The following EIF4E2 variants were observed in gnomAD, a reference collection of about 807,000 sequenced individuals.
EIF4E2 encodes eukaryotic translation initiation factor 4E family member 2, also known as eukaryotic translation initiation factor 4E type 2.
EIF4E2 carries 13 observed loss-of-function variants against 34.2 expected under a neutral mutation model. The observed-to-expected ratio is 0.38, with a 90% CI of 0.25 to 0.60. The LOEUF is 0.60. Ranked by LOEUF, EIF4E2 falls within the 20% of genes least tolerant of loss-of-function variation. EIF4E2 has a pLI of 0.62. For missense variants in EIF4E2, 222 were observed against 315.1 expected (o/e 0.70, Z 2.24); for synonymous variants, 100 against 106.6 (o/e 0.94, Z 0.38).
chr2:232,556,633 C>T, intron 2 of EIF4E2, 103 bp downstream of exon 2: 1 of 817,140 alleles, frequency 1.2e-6, no homozygotes, highest in Non-Finnish European at 2.0e-6. Flanking sequence ...TGATGGCATC[C>T]TGTGTTGGAA....
downstream of EIF4E2, among the ~76,000 whole-genome samples, chr2:232,570,391 G>C (rs1307343694): frequency 1.3e-5 from 2 of 152,148 alleles, no homozygotes; most frequent in African/African-American, 4.8e-5. Flanking sequence ...TACCTTCTCT[G>C]GCTCTTTCCC....
intron 3 of EIF4E2, chr2:232,558,787 T>C (rs1334714432): frequency 6.6e-6 from 1 of 152,224 alleles, no homozygotes; most frequent in African/African-American, 2.4e-5. Flanking sequence ...GCTGTATTAA[T>C]GATTATGCAT....
At chr2:232,575,021 A>G (rs573983340) in intron 6 of EIF4E2, among the ~76,000 whole-genome samples, 1 of 152,282 alleles carries the variant, frequency 6.6e-6, no homozygotes, top group Admixed American at 6.5e-5. Flanking sequence ...GAGCTGGGTA[A>G]ATTTATTCTG....
intron 6 of EIF4E2, chr2:232,568,142 A>T (rs1260284152): frequency 1.0e-6 from 1 of 985,280 alleles, no homozygotes; most frequent in African/African-American, 1.7e-5. Context: ...AAGTAGTAGT[A>T]TTGCTATCAT....
At chr2:232,579,987 G>A (rs1693306035) in intron 6 of EIF4E2, among the ~76,000 whole-genome samples, 1 of 151,974 alleles carries the variant, frequency 6.6e-6, no homozygotes, top group African/African-American at 2.4e-5. Context: ...TAGATTTCTA[G>A]GGTGGGACAG....
At chr2:232,568,791 G>T (rs750513039) in intron 6 of EIF4E2, 154 bp from the exon 7 acceptor site, 14 of 985,320 alleles carry the variant, frequency 1.4e-5, no homozygotes, top group Non-Finnish European at 1.7e-5. Flanking sequence ...CTGGCCTGCT[G>T]CTCTCTGCTT....
chr2:232,558,130 TTGAC>T, intron 3 of EIF4E2, 112 bp downstream of exon 3: 1 of 1,411,700 alleles, frequency 7.1e-7, no homozygotes, highest in Non-Finnish European at 9.6e-7. Context: ...GTTTTCTTAA[TTGAC>T]TGACCTGAGT....
intron 3 of EIF4E2, among the ~76,000 whole-genome samples, chr2:232,559,888 G>A (rs1385715210): frequency 1.3e-5 from 2 of 150,988 alleles, no homozygotes; most frequent in Admixed American, 6.6e-5. Context: ...CTACTCAGGA[G>A]GCTGAGGCAG....
intron 2 of EIF4E2, 56 bp downstream of exon 2, chr2:232,556,586 T>A: frequency 8.0e-7 from 1 of 1,249,370 alleles, no homozygotes; most frequent in Admixed American, 2.0e-5. Context: ...TTTATTATCT[T>A]GTGGAATCTG....
chr2:232,581,225 G>A lies in EIF4E2; in HGVS notation c.*282G>A. ...TCAGCCTTTCTGTTTGCTGTGTGCT[G>A]TCCAGATGCCTCTTGGGCGTCCTGT... On this transcript the variant is annotated 3_prime_UTR_variant, in exon 7 of 7. Coordinates refer to the EIF4E2 transcript ENST00000409098. The surrounding 1 kb of genome is among the most constrained non-coding windows in gnomAD (Gnocchi z 5.2). 1.9e-6 allele frequency: 1 copy of A among 533,726 alleles called. No homozygotes were observed. The highest frequency in any genetic ancestry group is 3.5e-6 in the Non-Finnish European group (1 of 284,988). The allele number at this position is 533,726 out of a possible 1,614,324, so 33.1% of individuals were successfully genotyped here.
chr2:232,560,880 A>G (rs541411951), intron 3 of EIF4E2, among the ~76,000 whole-genome samples: 1 of 152,306 alleles, frequency 6.6e-6, no homozygotes, highest in African/African-American at 2.4e-5. Context: ...GTAATAATAA[A>G]CTACCTTGTG....
chr2:232,553,514 G>A (rs1692417513), intron 1 of EIF4E2, among the ~76,000 whole-genome samples: 1 of 152,160 alleles, frequency 6.6e-6, no homozygotes, highest in African/African-American at 2.4e-5. Context: ...CAGAGGGTGA[G>A]GAAATACGTG....
intron 6 of EIF4E2, chr2:232,574,425 C>T: frequency 7.2e-7 from 1 of 1,388,286 alleles, no homozygotes; most frequent in South Asian, 1.2e-5. Flanking sequence ...CCCAAACTTG[C>T]CTCTACCAAC....
At chr2:232,579,123 TACACACACACACACACACACAC>T (rs71056276) in intron 6 of EIF4E2, among the ~76,000 whole-genome samples, 46 of 146,632 alleles carry the variant, frequency 3.1e-4, no homozygotes, top group African/African-American at 1.0e-3. Context: ...AACTCAGAAA[TACACACACACACACACACACAC>T]ACACACACAC....
chr2:232,551,546 A>G (rs374074786), intron 1 of EIF4E2, among the ~76,000 whole-genome samples: 1 of 152,196 alleles, frequency 6.6e-6, no homozygotes, highest in African/African-American at 2.4e-5. Context: ...TTCTAGTCCC[A>G]GATTCACCAC....
downstream of EIF4E2, among the ~76,000 whole-genome samples, chr2:232,569,484 C>A (rs1258070655): frequency 6.6e-6 from 1 of 152,138 alleles, no homozygotes; most frequent in Non-Finnish European, 1.5e-5. Flanking sequence ...ATGACCAGAA[C>A]AGAGTGATTT....
In EIF4E2 at chr2:232,567,297, G is replaced by A. The variant is rs138511744; in HGVS notation, c.665+83G>A. 4.7e-5 allele frequency: 74 copies of A among 1,579,676 alleles called. 1 individual carries two copies. Among genetic ancestry groups the A allele is most frequent in the African/African-American group, 4.6e-4 (34 of 74,252 alleles). On this transcript the variant is annotated intron_variant, in intron 6 of 6. Coordinates refer to ENST00000258416, the MANE Select transcript of EIF4E2 (RefSeq NM_004846.4). The stretch of plus-strand genomic sequence containing the variant: ...TAGTTGGGCCCAGAGGAATATGGCC[G>A]GACAGGAGACTTACTTGTGGAGAAG...
rs374576982 is a variant in EIF4E2, at chr2:232,550,794, C to A, written c.20+50C>A. 820 of 1,503,854 alleles carry A rather than the reference C, an allele frequency of 5.5e-4. 1 individual carries two copies. Among genetic ancestry groups the A allele is most frequent in the Non-Finnish European group, 6.3e-4 (708 of 1,120,844 alleles). 93.2% of individuals were successfully genotyped at this position (1,503,854 alleles called of 1,614,324 possible). A position where few individuals can be genotyped will look rare whatever the true frequency, so the allele number is the denominator to read the frequency against. The stretch of plus-strand genomic sequence containing the variant: ...GGGCCCCTTCCCCGAACAGTTCCCC[C>A]GCGCCCGCCCCCGCTGGGGCTGGGG... On this transcript the variant is annotated intron_variant, in intron 1 of 6. Transcript: ENST00000258416.
At chr2:232,565,989 G>A (rs187636721) in intron 4 of EIF4E2, among the ~76,000 whole-genome samples, 17 of 152,028 alleles carry the variant, frequency 1.1e-4, no homozygotes, top group Admixed American at 2.6e-4. Flanking sequence ...CTACCCAGGA[G>A]GCAGAGACAG....
Sources: allele counts gnomAD v4.1 joint callset (sites outside exome capture counted in the v4.1 genomes callset), GRCh38; gene constraint gnomAD v4.1.1; non-coding constraint Gnocchi (gnomAD v3.1); transcripts MANE v1.5; gene names NCBI Gene and HGNC (gene_info 2026-07-23, HGNC 2026-07-21).